Variants in CNTNAP2 observed in about 807,000 individuals in gnomAD.
CNTNAP2 encodes contactin associated protein 2, also known as contactin-associated protein-like 2.
A neutral mutation model predicts 155.2 loss-of-function variants in CNTNAP2; 98 were observed. The ratio of observed to expected loss-of-function variants is 0.63; its 90% CI spans 0.54 to 0.75. The LOEUF (loss-of-function observed/expected upper bound fraction) is 0.75, where lower values mean the gene tolerates loss of function less well. Ranked by LOEUF, CNTNAP2 falls within the 30% of genes least tolerant of loss-of-function variation. CNTNAP2 has a pLI of 0.00. For missense variants in CNTNAP2, 1,727 were observed against 1,688.1 expected (o/e 1.02, Z -0.40); for synonymous variants, 651 against 631.2 (o/e 1.03, Z -0.47).
chr7:146,983,142 T>C (rs923965412), intron 3 of CNTNAP2, among the ~76,000 whole-genome samples: 5 of 152,320 alleles, frequency 3.3e-5, no homozygotes, highest in African/African-American at 1.2e-4. Context: ...GCCAACCTTC[T>C]AGACTGCAAT....
chr7:147,862,740 C>A (rs1441625568), intron 13 of CNTNAP2, among the ~76,000 whole-genome samples: 1 of 151,986 alleles, frequency 6.6e-6, no homozygotes, highest in Non-Finnish European at 1.5e-5. Context: ...AGGAAGTGAA[C>A]TTTAAAAAAT....
At chr7:147,442,364 GTGGTGAATGCTGCC>G (rs1797656777) in intron 10 of CNTNAP2, among the ~76,000 whole-genome samples, 1 of 152,292 alleles carries the variant, frequency 6.6e-6, no homozygotes, top group African/African-American at 2.4e-5. Flanking sequence ...AAGTCAGCTT[GTGGTGAATGCTGCC>G]TGGTTTGGGA....
chr7:146,977,547 TAATAAC>T (rs1584761936), intron 3 of CNTNAP2, among the ~76,000 whole-genome samples: 1 of 152,184 alleles, frequency 6.6e-6, no homozygotes, highest in East Asian at 1.9e-4. Context: ...AGGTGAAAGA[TAATAAC>T]AGACAGTGTT....
intron 13 of CNTNAP2, among the ~76,000 whole-genome samples, chr7:147,779,782 A>G (rs1452406627): frequency 6.6e-6 from 1 of 152,220 alleles, no homozygotes; most frequent in Non-Finnish European, 1.5e-5. Context: ...ATCTCCTGCA[A>G]GTCATCTGGA....
chr7:146,143,865 C>T lies in CNTNAP2; in HGVS notation c.97+26892C>T, dbSNP rs150703695. 5.1e-3 allele frequency among the ~76,000 whole-genome samples: 777 copies of T among 152,052 alleles called. 2 individuals are homozygous for T. The highest frequency in any genetic ancestry group is 7.6e-3 in the Non-Finnish European group (519 of 67,994). ...GCAACCTCTGCCTCCTGGGTTCAAG[C>T]GATTTTCCTGCTTCAGTCTCCCATG... On this transcript the variant is annotated intron_variant, in intron 1 of 23. Coordinates refer to ENST00000361727, the MANE Select transcript of CNTNAP2 (RefSeq NM_014141.6).
intron 21 of CNTNAP2, among the ~76,000 whole-genome samples, chr7:148,353,019 T>G (rs924094398): frequency 6.6e-6 from 1 of 152,114 alleles, no homozygotes; most frequent in Non-Finnish European, 1.5e-5. Flanking sequence ...ATAACTCACG[T>G]TTGCTGAAAT....
chr7:146,433,557 G>T (rs923167511), intron 1 of CNTNAP2, among the ~76,000 whole-genome samples: 2 of 152,108 alleles, frequency 1.3e-5, no homozygotes, highest in African/African-American at 4.8e-5. Flanking sequence ...GTTTCAGACT[G>T]CTGTAAAAAT....
chr7:148,093,143 G>A (rs1803882550), intron 15 of CNTNAP2, among the ~76,000 whole-genome samples: 1 of 151,300 alleles, frequency 6.6e-6, no homozygotes, highest in South Asian at 2.1e-4. Context: ...CCAGATAGCT[G>A]TTTGATACAG....
intron 3 of CNTNAP2, among the ~76,000 whole-genome samples, chr7:146,945,959 T>C (rs1226423344): frequency 1.3e-5 from 2 of 152,260 alleles, no homozygotes; most frequent in East Asian, 3.9e-4. Flanking sequence ...ATTGCCACCA[T>C]GGCCCACCTT....
At chr7:148,224,138 GA>G (rs1168454835) in intron 19 of CNTNAP2, among the ~76,000 whole-genome samples, 2 of 152,090 alleles carry the variant, frequency 1.3e-5, no homozygotes, top group African/African-American at 4.8e-5. Context: ...AAATGAATAA[GA>G]GATGAATCAA....
chr7:146,222,853 G>T (rs1488114584), intron 1 of CNTNAP2, among the ~76,000 whole-genome samples: 1 of 151,868 alleles, frequency 6.6e-6, no homozygotes, highest in African/African-American at 2.4e-5. Flanking sequence ...TAGAGACGGG[G>T]TTTTACCATG....
At chr7:147,225,998 A>T (rs1803534492) in intron 8 of CNTNAP2, among the ~76,000 whole-genome samples, 1 of 152,104 alleles carries the variant, frequency 6.6e-6, no homozygotes, top group South Asian at 2.1e-4. Context: ...AAAGAAAGAA[A>T]GAAAGAATGA....
In CNTNAP2 at chr7:146,122,376, C is replaced by G. The variant is rs577714647; in HGVS notation, c.97+5403C>G. On this transcript the variant is annotated intron_variant, in intron 1 of 23. Transcript: ENST00000361727. ...AATCCCACTGTATCACACATTTAAG[C>G]CTTATTCTTTTGTATCAGCAATACT... Among the ~76,000 whole-genome samples the G allele has an allele frequency of 5.3e-5, 8 of 152,274 alleles. No individual in the cohort carries two copies. In the South Asian group the frequency reaches 1.7e-3, roughly 32 times the overall value.
chr7:146,409,815 A>G (rs896241549), intron 1 of CNTNAP2, among the ~76,000 whole-genome samples: 2 of 152,180 alleles, frequency 1.3e-5, no homozygotes, highest in Admixed American at 6.5e-5. Context: ...GGTGATAGAG[A>G]AGAAATAGTA....
chr7:147,074,599 C>T, intron 4 of CNTNAP2, among the ~76,000 whole-genome samples: 1 of 151,998 alleles, frequency 6.6e-6, no homozygotes, highest in East Asian at 1.9e-4. Flanking sequence ...TTATATGGAA[C>T]CTTTTAGAAG....
At chr7:146,612,580 G>A (rs915963722) in intron 1 of CNTNAP2, among the ~76,000 whole-genome samples, 2 of 151,940 alleles carry the variant, frequency 1.3e-5, no homozygotes, top group East Asian at 3.8e-4. Context: ...AGCAAAAGAT[G>A]TAGAACTCCA....
At chr7:146,151,727 T>C (rs1317258960) in intron 1 of CNTNAP2, among the ~76,000 whole-genome samples, 11 of 128,222 alleles carry the variant, frequency 8.6e-5, no homozygotes, top group African/African-American at 2.8e-4. Context: ...TATATATATA[T>C]GCGCAATGGA....
At chr7:147,072,848 C>CTTTTTTT (rs71165064) in intron 4 of CNTNAP2, among the ~76,000 whole-genome samples, 50 of 93,618 alleles carry the variant, frequency 5.3e-4, no homozygotes, top group Non-Finnish European at 7.4e-4. Context: ...TTCCTTTATT[C>CTTTTTTT]TTTTTTTTTT....
At position 146,732,062 on chromosome 7, in the gene CNTNAP2, G is replaced by C. The variant is rs117408976; in HGVS notation, c.98-42209G>C. On this transcript the variant is annotated intron_variant, in intron 1 of 23. Transcript: ENST00000361727. Reference sequence around the variant, plus strand: ...GCTGAGGAATTAATCTGTAGATTCAGATACAGTACAGTGGCCAAGATTCAC... The same window carrying C: ...GCTGAGGAATTAATCTGTAGATTCACATACAGTACAGTGGCCAAGATTCAC... 7.5e-3 allele frequency among the ~76,000 whole-genome samples: 1,146 copies of C among 152,134 alleles called. 8 individuals carry two copies. The highest frequency in any genetic ancestry group is 0.012 in the Non-Finnish European group (839 of 67,970).
Sources: gnomAD v4.1 joint callset for allele counts (sites outside exome capture counted in the v4.1 genomes callset) on GRCh38, gnomAD v4.1.1 for gene constraint, MANE v1.5 for transcripts, NCBI Gene and HGNC (gene_info 2026-07-23, HGNC 2026-07-21) for gene names.